NOP2: variants seen among roughly 807,000 people sequenced by gnomAD.
The protein encoded by NOP2 is NOP2 nucleolar protein.
In NOP2, 7 loss-of-function variants were observed where a neutral mutation model predicts 72.7. The observed-to-expected ratio is 0.10, with a 90% CI of 0.05 to 0.18. The LOEUF is 0.18. Among genes scored for constraint, NOP2 ranks in the 10% least tolerant of loss-of-function variants. The probability of loss-of-function intolerance (pLI) is 1.00; values close to 1 mark genes in which losing one functional copy is unlikely to be tolerated. For synonymous variants in NOP2, 387 were observed against 388.0 expected (o/e 1.00, Z 0.03); for missense variants, 954 against 1,014.7 (o/e 0.94, Z 0.81).
At chr12:6,565,083 G>T (rs1947744481) in intron 5 of NOP2, among the ~76,000 whole-genome samples, 1 of 151,608 alleles carries the variant, frequency 6.6e-6, no homozygotes, top group Non-Finnish European at 1.5e-5. Flanking sequence ...CTGCACCTCA[G>T]TAAAGAACTA....
At position 6,566,780 on chromosome 12, in the gene NOP2, T is replaced by C. The variant is rs770335849; in HGVS notation, c.146A>G (p.Lys49Arg). 6.2e-7 allele frequency: 1 copy of C among 1,613,378 alleles called. No individual in the cohort carries two copies. Among genetic ancestry groups the C allele is most frequent in the South Asian group, 1.1e-5 (1 of 90,944 alleles). ...AAGTTTTGACACCCACACTTACCTCTTTCGAGCACGACTAGACAGCCTCTT... is the reference window on the plus strand; with the variant it reads ...AAGTTTTGACACCCACACTTACCTCCTTCGAGCACGACTAGACAGCCTCTT... ...NSKRLSSRAR[K>R]RAAKRRLGSV... The change falls in exon 3 of 16, where the codon AAG (lysine) becomes AGG (arginine). Residue 49 changes from lysine (K) to arginine (R), a missense_variant. Physicochemically the swap from Lys to Arg is conservative, Grantham distance 26. This residue lies in a region of NOP2 where 498 missense variants were observed against 478.3 expected (regional missense o/e 1.04). Coordinates refer to ENST00000322166, the MANE Select transcript of NOP2 (RefSeq NM_001258308.2).
chr12:6,565,013 T>C (rs1184077638), intron 5 of NOP2, among the ~76,000 whole-genome samples: 1 of 152,136 alleles, frequency 6.6e-6, no homozygotes, highest in African/African-American at 2.4e-5. Flanking sequence ...ATGGGGACCT[T>C]CTCTTTTTAT....
intron 15 of NOP2, among the ~76,000 whole-genome samples, chr12:6,559,834 G>A (rs1031313669): frequency 1.3e-5 from 2 of 152,200 alleles, no homozygotes; most frequent in African/African-American, 4.8e-5. Flanking sequence ...CATTTGGAAT[G>A]CATTTAGTGC....
At position 6,557,258 on chromosome 12, in the gene NOP2, G is replaced by A. The variant is rs559680903; in HGVS notation, c.2174C>T (p.Thr725Ile). ...RQNAPPKGTD[T>I]QTPAVLSPSK... Reference sequence around the variant, plus strand: ...TGGGGATAACACAGCCGGTGTTTGTGTGTCTGTGCCCTTGGGAGGGGCATT... The same window carrying A: ...TGGGGATAACACAGCCGGTGTTTGTATGTCTGTGCCCTTGGGAGGGGCATT... The change falls in exon 16 of 16, where the codon ACA becomes ATA. Residue 725 changes from threonine to isoleucine, a missense_variant. Thr to Ile is a moderately conservative substitution (Grantham distance 89). Coordinates refer to ENST00000322166, the MANE Select transcript of NOP2 (RefSeq NM_001258308.2). 32 of 1,614,032 alleles carry A rather than the reference G, an allele frequency of 2.0e-5. No individual in the cohort carries two copies. In the South Asian group the frequency reaches 3.2e-4, roughly 16 times the overall value.
intron 15 of NOP2, among the ~76,000 whole-genome samples, chr12:6,559,104 C>T (rs987977034): frequency 6.6e-6 from 1 of 151,930 alleles, no homozygotes; most frequent in East Asian, 1.9e-4. Flanking sequence ...ACTACAGGCA[C>T]GTACCACCAC....
intron 5 of NOP2, among the ~76,000 whole-genome samples, chr12:6,564,675 C>T (rs2136176714): frequency 6.6e-6 from 1 of 151,594 alleles, no homozygotes; most frequent in Admixed American, 6.6e-5. Flanking sequence ...GTGATCCGCC[C>T]ACCTCGGCCT....
rs761330919 is a variant in NOP2 at position 6,557,516 on chromosome 12, T to C, written c.1916A>G (p.Gln639Arg). Residue 639 changes from glutamine to arginine, a missense_variant, in exon 16 of 16, where the codon CAG becomes CGG. Around this residue, in one of 3 missense-constraint regions of NOP2, gnomAD observed 269 missense variants for 260.2 expected, o/e 1.03. Coordinates refer to ENST00000322166, the MANE Select transcript of NOP2 (RefSeq NM_001258308.2). ...AAKTKQQLQK[Q>R]QHPKKASFQK... ...GAAGGAGGCCTTCTTGGGATGTTGC[T>C]GTTTCTGCAGCTGCTGCTTTGTCTT... is the stretch of plus-strand genomic sequence containing the variant. The C allele has an allele frequency of 1.2e-6, 2 of 1,613,988 alleles. No individual in the cohort carries two copies. Among genetic ancestry groups the C allele is most frequent in the Non-Finnish European group, 1.7e-6 (2 of 1,179,894 alleles).
chr12:6,566,873 A>C, intron 2 of NOP2, 51 bp from the exon 3 acceptor site: 2 of 1,456,942 alleles, frequency 1.4e-6, no homozygotes, highest in South Asian at 2.4e-5. Flanking sequence ...GACATTAAAA[A>C]TAAATGGGAA....
intron 2 of NOP2, 43 bp from the exon 3 acceptor site, chr12:6,566,865 C>G (rs748872181): frequency 2.6e-6 from 4 of 1,528,282 alleles, no homozygotes; most frequent in Non-Finnish European, 3.6e-6. Flanking sequence ...TTACAGGGGA[C>G]ATTAAAAATA....
intron 9 of NOP2, 123 bp downstream of exon 9, chr12:6,562,957 GC>G (rs1178430335): frequency 1.5e-5 from 14 of 933,530 alleles, no homozygotes; most frequent in Admixed American, 4.1e-5. Flanking sequence ...CTCTGGGTTT[GC>G]CCCCCCAGGA....
chr12:6,563,573 C>T, intron 7 of NOP2, 41 bp downstream of exon 7: 7 of 1,608,114 alleles, frequency 4.4e-6, no homozygotes, highest in Non-Finnish European at 6.0e-6. Flanking sequence ...CCTCTCCCAA[C>T]CACCTTCCTC....
intron 1 of NOP2, 29 bp downstream of exon 1, chr12:6,568,178 C>G (rs923087260): frequency 6.0e-6 from 3 of 498,020 alleles, no homozygotes; most frequent in Non-Finnish European, 1.1e-5. Flanking sequence ...TGCTGCCACT[C>G]TTCGTCCCCC....
intron 2 of NOP2, among the ~76,000 whole-genome samples, 185 bp from the exon 3 acceptor site, chr12:6,567,007 CTT>C (rs922158844): frequency 3.1e-4 from 47 of 151,004 alleles, no homozygotes; most frequent in African/African-American, 1.1e-3. Context: ...GAGTTTCACT[CTT>C]GTCTTCCAGG....
intron 5 of NOP2, among the ~76,000 whole-genome samples, chr12:6,565,669 C>T (rs968604473): frequency 1.3e-5 from 2 of 151,820 alleles, no homozygotes; most frequent in Admixed American, 6.6e-5. Context: ...GATACGGGAT[C>T]TCCCTATGTT....
At chr12:6,564,091 A>G (rs751838870) in intron 5 of NOP2, 145 bp from the exon 6 acceptor site, 63 of 1,521,952 alleles carry the variant, frequency 4.1e-5, no homozygotes, top group Non-Finnish European at 5.5e-5. Context: ...AATGAAAATA[A>G]GATGGGCGCA....
rs1175167896 is a variant in NOP2 at position 6,561,707 on chromosome 12, G to A, written c.1164C>T (p.Ile388=). The change falls in exon 11 of 16, where the codon ATC becomes ATT. Residue 388 remains isoleucine, a synonymous_variant. Transcript: ENST00000322166. ...CTCCAGGGGCACAACACATGTCCAGGATCCGCTCATGTTCCTGGGGTGCCA... is the reference window on the plus strand; with the variant it reads ...CTCCAGGGGCACAACACATGTCCAGAATCCGCTCATGTTCCTGGGGTGCCA... The part of the protein sequence containing the change: ...MALAPQEHER[I]LDMCCAPGGK... The A allele has an allele frequency of 1.2e-6, 2 of 1,613,740 alleles. No individual in the cohort carries two copies. Among genetic ancestry groups the A allele is most frequent in the Admixed American group, 1.7e-5 (1 of 59,980 alleles).
chr12:6,560,105 G>A lies in NOP2; in HGVS notation c.1782C>T (p.Ser594=), dbSNP rs202009027. 1.1e-5 allele frequency: 18 copies of A among 1,610,646 alleles called. 1 individual carries two copies. Among genetic ancestry groups the A allele is most frequent in the South Asian group, 1.1e-5 (1 of 91,012 alleles). The part of the protein sequence containing the change: ...FKKFSNSIPQ[S]QTGNSETATP... ...AAGAAAAAGATTACTTACCTGTCTG[G>A]GACTGAGGGATAGAATTGGAAAATT... is the stretch of plus-strand genomic sequence containing the variant. Residue 594 remains serine, a synonymous_variant, in exon 15 of 16, where the codon TCC becomes TCT. Coordinates refer to ENST00000322166, the MANE Select transcript of NOP2 (RefSeq NM_001258308.2). The surrounding 1 kb of genome is among the most constrained non-coding windows in gnomAD (Gnocchi z 5.0).
At chr12:6,564,016 T>C (rs1361522751) in intron 5 of NOP2, 70 bp from the exon 6 acceptor site, 3 of 1,562,054 alleles carry the variant, frequency 1.9e-6, no homozygotes, top group African/African-American at 2.7e-5. Flanking sequence ...TCTATCTCTA[T>C]ATCTTATTTT....
chr12:6,566,474 T>C (rs1409645907), intron 4 of NOP2, 55 bp downstream of exon 4: 2 of 1,566,248 alleles, frequency 1.3e-6, no homozygotes, highest in Non-Finnish European at 8.8e-7. Flanking sequence ...AGTTCTTCCC[T>C]ACCCAGGACC....
Sources: allele counts gnomAD v4.1 joint callset (sites outside exome capture counted in the v4.1 genomes callset), GRCh38; gene constraint gnomAD v4.1.1; regional missense constraint gnomAD v4.1.1; non-coding constraint Gnocchi (gnomAD v3.1); transcripts MANE v1.5; gene names NCBI Gene and HGNC (gene_info 2026-07-23, HGNC 2026-07-21).